Variants in ZNF813 observed in about 807,000 individuals in gnomAD.
ZNF813 encodes zinc finger protein 813.
ZNF813 carries 3 observed loss-of-function variants against 7.2 expected under a neutral mutation model. The observed-to-expected ratio is 0.42, with a 90% CI of 0.19 to 1.08. The LOEUF is 1.08. Among genes scored for constraint, ZNF813 ranks in the 50% least tolerant of loss-of-function variants. ZNF813 has a pLI of 0.30. For synonymous variants in ZNF813, 227 were observed against 256.3 expected, an observed-to-expected ratio of 0.89 and a Z score of 1.09; for missense variants, 714 against 753.3, an observed-to-expected ratio of 0.95 and a Z score of 0.61.
chr19:53,487,954 A>C (rs1373097654), intron 3 of ZNF813, among the ~76,000 whole-genome samples: 1 of 152,196 alleles, frequency 6.6e-6, no homozygotes, highest in East Asian at 1.9e-4. Flanking sequence ...ATAGAAAAAA[A>C]GTTGAATTAT....
In ZNF813 at chr19:53,485,587, T is replaced by TATAC. The variant is rs1555843900; in HGVS notation, c.16-1043_16-1042insACAT. The stretch of plus-strand genomic sequence containing the variant: ...ACATATATACATGTATGTCATGACA[T>TATAC]ATGTATGTCATGATATATATCGTGA... On this transcript the variant is annotated intron_variant, in intron 2 of 3. Coordinates refer to ENST00000396403, the MANE Select transcript of ZNF813 (RefSeq NM_001004301.4). Among the ~76,000 whole-genome samples, 9 of 139,816 alleles carry TATAC rather than the reference T, an allele frequency of 6.4e-5. No individual in the cohort carries two copies. The East Asian group carries it at 9.0e-4, about 14-fold the overall frequency. The allele number at this position is 139,816 out of a possible 152,430, so 91.7% of individuals were successfully genotyped here.
At chr19:53,472,611 CTTTTTTTT>C (rs1166123869) in intron 1 of ZNF813, among the ~76,000 whole-genome samples, 1 of 128,410 alleles carries the variant, frequency 7.8e-6, no homozygotes, top group Non-Finnish European at 1.6e-5. Context: ...ACAAGTCTTT[CTTTTTTTT>C]TTTTTTTTTT....
In ZNF813 at chr19:53,496,034, A is replaced by C. The variant is rs895950997; in HGVS notation, c.*3948A>C. The C allele has an allele frequency of 5.8e-6, 2 of 346,680 alleles. No homozygotes were observed. The highest frequency in any genetic ancestry group is 1.6e-4 in the East Asian group (2 of 12,460). 21.5% of individuals were successfully genotyped at this position (346,680 alleles called of 1,614,324 possible). A position where few individuals can be genotyped will look rare whatever the true frequency, so the allele number is the denominator to read the frequency against. On this transcript the variant is annotated 3_prime_UTR_variant, in exon 4 of 4. Transcript: ENST00000396403. ...ATTGGAGAAGAACGAAGCGGGGTCTATAAGGAATTGCACGTGAGATGGCAC... is the reference window on the plus strand; with the variant it reads ...ATTGGAGAAGAACGAAGCGGGGTCTCTAAGGAATTGCACGTGAGATGGCAC...
rs1263743549 is a variant in ZNF813 at position 53,493,752 on chromosome 19, CTTCT to C, written c.*1675_*1678del. The C allele has an allele frequency of 1.3e-5, 2 of 152,128 alleles. No individual in the cohort carries two copies. The highest frequency in any genetic ancestry group is 4.8e-5 in the African/African-American group (2 of 41,432). The allele number at this position is 152,128 out of a possible 1,614,324, so 9.4% of individuals were successfully genotyped here. A position where few individuals can be genotyped will look rare whatever the true frequency, so the allele number is the denominator to read the frequency against. On this transcript the variant is annotated 3_prime_UTR_variant, in exon 4 of 4. Coordinates refer to ENST00000396403, the MANE Select transcript of ZNF813 (RefSeq NM_001004301.4). ...TCATCTACAAACACATATAATTTTACTTCTTTCTTTCTGATTTGGATGGGTTTGA... is the reference window on the plus strand; with the variant it reads ...TCATCTACAAACACATATAATTTTACTTCTTTCTGATTTGGATGGGTTTGA...
At chr19:53,480,396 G>A (rs1380006743) in intron 1 of ZNF813, among the ~76,000 whole-genome samples, 2 of 150,952 alleles carry the variant, frequency 1.3e-5, no homozygotes, top group Admixed American at 6.6e-5. Context: ...ATTACTTCTG[G>A]AAGATGCCTT....
intron 1 of ZNF813, among the ~76,000 whole-genome samples, chr19:53,476,178 CT>C (rs1568828092): frequency 6.6e-6 from 1 of 152,124 alleles, no homozygotes; most frequent in Non-Finnish European, 1.5e-5. Context: ...TATTTTGTAA[CT>C]TATTTTCTAT....
At chr19:53,479,332 A>G (rs2086396569) in intron 1 of ZNF813, 4 of 1,589,552 alleles carry the variant, frequency 2.5e-6, no homozygotes, top group Admixed American at 1.7e-5. Context: ...GAGTGTGAGC[A>G]GTAGCTGGGT....
chr19:53,473,913 T>C (rs572029744), intron 1 of ZNF813, among the ~76,000 whole-genome samples: 1 of 152,358 alleles, frequency 6.6e-6, no homozygotes, highest in South Asian at 2.1e-4. Context: ...CCTGATCTTA[T>C]CTCAGGTGAG....
rs1568434354 is a variant in ZNF813 at position 53,494,220 on chromosome 19, A to G, written c.*2134A>G. ...TCAAGAAGTTCATGGAAAAATACATATTTTGCATATTATGAGAAAATTGTG... is the reference window on the plus strand; with the variant it reads ...TCAAGAAGTTCATGGAAAAATACATGTTTTGCATATTATGAGAAAATTGTG... On this transcript the variant is annotated 3_prime_UTR_variant, in exon 4 of 4. Coordinates refer to ENST00000396403, the MANE Select transcript of ZNF813 (RefSeq NM_001004301.4). 1 of 152,194 alleles carries G rather than the reference A, an allele frequency of 6.6e-6. No individual in the cohort carries two copies. Among genetic ancestry groups the G allele is most frequent in the East Asian group, 1.9e-4 (1 of 5,202 alleles). The allele number at this position is 152,194 out of a possible 1,614,324, so 9.4% of individuals were successfully genotyped here. A position where few individuals can be genotyped will look rare whatever the true frequency, so the allele number is the denominator to read the frequency against.
chr19:53,489,641 T>C (rs2086449879), intron 3 of ZNF813, among the ~76,000 whole-genome samples: 1 of 152,148 alleles, frequency 6.6e-6, no homozygotes, highest in Admixed American at 6.6e-5. Flanking sequence ...AAGAACGTCA[T>C]AACGTGCCTT....
At position 53,470,841 on chromosome 19, in the gene ZNF813, G is replaced by T. The variant is rs144797627; in HGVS notation, c.-74+3052G>T. ...CTCCTTCCTGGGCTAGGAGGTAGTCGAAAGCTAATCTATTTTGGTAGATGG... is the reference window on the plus strand; with the variant it reads ...CTCCTTCCTGGGCTAGGAGGTAGTCTAAAGCTAATCTATTTTGGTAGATGG... On this transcript the variant is annotated intron_variant, in intron 1 of 3. Coordinates refer to ENST00000396403, the MANE Select transcript of ZNF813 (RefSeq NM_001004301.4). 4.7e-3 allele frequency among the ~76,000 whole-genome samples: 717 copies of T among 152,006 alleles called. 8 individuals are homozygous for T. Among genetic ancestry groups the T allele is most frequent in the African/African-American group, 0.016 (649 of 41,430 alleles).
In ZNF813 at chr19:53,486,526, A is replaced by G. The variant is rs186355899; in HGVS notation, c.16-106A>G. The stretch of plus-strand genomic sequence containing the variant: ...ACCCCTTACTCGGATTTGTCAGAAC[A>G]TTCACTGCAATTAAATCCATGCTTT... On this transcript the variant is annotated intron_variant, in intron 2 of 3. Coordinates refer to ENST00000396403, the MANE Select transcript of ZNF813 (RefSeq NM_001004301.4). 263 of 1,599,580 alleles carry G rather than the reference A, an allele frequency of 1.6e-4. No homozygotes were observed. In the African/African-American group the frequency reaches 2.7e-3, roughly 16 times the overall value.
intron 1 of ZNF813, among the ~76,000 whole-genome samples, chr19:53,474,434 A>C (rs535618672): frequency 6.6e-6 from 1 of 152,212 alleles, no homozygotes; most frequent in African/African-American, 2.4e-5. Context: ...CATGCCTGTA[A>C]TCCTACCACT....
intron 1 of ZNF813, chr19:53,479,313 C>G: frequency 2.6e-6 from 4 of 1,536,208 alleles, no homozygotes; most frequent in East Asian, 2.3e-5. Flanking sequence ...ATGGAGGAGG[C>G]AGGAACCGGA....
At chr19:53,473,830 G>C (rs1255381552) in intron 1 of ZNF813, among the ~76,000 whole-genome samples, 2 of 152,136 alleles carry the variant, frequency 1.3e-5, no homozygotes, top group Admixed American at 1.3e-4. Context: ...CCGACTGAAC[G>C]AACTCTCATA....
chr19:53,469,377 G>T (rs1222669428), intron 1 of ZNF813, among the ~76,000 whole-genome samples: 1 of 152,082 alleles, frequency 6.6e-6, no homozygotes, highest in Non-Finnish European at 1.5e-5. Flanking sequence ...CCTTGAAAAT[G>T]CGCTCCCCTG....
intron 1 of ZNF813, among the ~76,000 whole-genome samples, chr19:53,478,842 T>A (rs1314394630): frequency 6.6e-6 from 1 of 151,646 alleles, no homozygotes; most frequent in Non-Finnish European, 1.5e-5. Context: ...AGTACATTTG[T>A]TCTTATGTGT....
chr19:53,484,856 G>C (rs903021427), intron 2 of ZNF813, among the ~76,000 whole-genome samples: 9 of 152,206 alleles, frequency 5.9e-5, no homozygotes, highest in Non-Finnish European at 1.5e-5. Flanking sequence ...GCGAGGCACC[G>C]TGCCCAGCCC....
intron 1 of ZNF813, among the ~76,000 whole-genome samples, chr19:53,468,224 C>CG (rs1400161381): frequency 1.6e-5 from 2 of 121,498 alleles, no homozygotes; most frequent in Non-Finnish European, 1.9e-5. Context: ...CTCGCGCCCC[C>CG]CCCCCCCCAC....
Sources: gnomAD v4.1 joint callset for allele counts (sites outside exome capture counted in the v4.1 genomes callset) on GRCh38, gnomAD v4.1.1 for gene constraint, MANE v1.5 for transcripts, NCBI Gene and HGNC (gene_info 2026-07-23, HGNC 2026-07-21) for gene names.